The following NRDC variants were observed in gnomAD, a reference collection of about 807,000 sequenced individuals.
NRDC encodes nardilysin.
NRDC carries 54 observed loss-of-function variants against 147.1 expected under a neutral mutation model. The ratio of observed to expected loss-of-function variants is 0.37; its 90% CI spans 0.29 to 0.46. The LOEUF (loss-of-function observed/expected upper bound fraction) is 0.46, where lower values mean the gene tolerates loss of function less well. Ranked by LOEUF, NRDC falls within the 20% of genes least tolerant of loss-of-function variation. The pLI, the probability that NRDC is intolerant of heterozygous loss-of-function variation, is 1.00. For missense variants in NRDC, 1,082 were observed against 1,370.6 expected, an observed-to-expected ratio of 0.79 and a Z score of 3.33; for synonymous variants, 440 against 482.1, an observed-to-expected ratio of 0.91 and a Z score of 1.14.
chr1:51,840,422 T>C lies in NRDC; in HGVS notation c.434A>G (p.Glu145Gly). ...GKTGNTTDDE[E>G]EEEVEEEEED... ...TTCTTCTTCCTCCACCTCCTCTTCT[T>C]CTTCATCATCTGTTGTATTTCCTGT... The change falls in exon 2 of 31, where the codon GAA (glutamate) becomes GGA (glycine). Residue 145 changes from glutamate (E) to glycine (G), a missense_variant. By Grantham distance (98) the Glu-to-Gly change is moderately conservative. This residue lies in a region of NRDC where 260 missense variants were observed against 253.2 expected (regional missense o/e 1.03). Coordinates refer to ENST00000352171, the MANE Select transcript of NRDC (RefSeq NM_001101662.2). The C allele has an allele frequency of 6.2e-7, 1 of 1,605,164 alleles. No individual in the cohort carries two copies. Among genetic ancestry groups the C allele is most frequent in the Non-Finnish European group, 8.5e-7 (1 of 1,172,080 alleles).
chr1:51,791,153 T>C (rs184384799), intron 27 of NRDC, among the ~76,000 whole-genome samples, 163 bp from the exon 28 acceptor site: 1 of 152,268 alleles, frequency 6.6e-6, no homozygotes, highest in East Asian at 1.9e-4. Context: ...CCACCTGACT[T>C]TGAGGACAGA....
At chr1:51,861,458 T>C (rs544078555) in intron 1 of NRDC, among the ~76,000 whole-genome samples, 1 of 151,852 alleles carries the variant, frequency 6.6e-6, no homozygotes, top group Non-Finnish European at 1.5e-5. Context: ...GCTTCCCAAG[T>C]AGCTGGGACT....
At chr1:51,800,853 T>A in intron 20 of NRDC, 170 bp from the exon 21 acceptor site, 1 of 631,582 alleles carries the variant, frequency 1.6e-6, no homozygotes, top group Non-Finnish European at 2.7e-6. Context: ...TGTTTGGGTG[T>A]TACCTGGAGA....
At chr1:51,794,163 C>T (rs1678778114) in intron 24 of NRDC, 2 of 268,294 alleles carry the variant, frequency 7.5e-6, no homozygotes, top group Admixed American at 9.0e-5. Flanking sequence ...CTTTTCAAAA[C>T]TGCCCCTTAA....
intron 1 of NRDC, among the ~76,000 whole-genome samples, chr1:51,846,414 G>A (rs138871130): frequency 8.7e-4 from 133 of 152,216 alleles, no homozygotes; most frequent in Middle Eastern, 3.4e-3. Flanking sequence ...GTGCACAGCC[G>A]ACACTTTATA....
At chr1:51,876,262 C>T (rs1683321476) in intron 1 of NRDC, among the ~76,000 whole-genome samples, 1 of 152,094 alleles carries the variant, frequency 6.6e-6, no homozygotes, top group African/African-American at 2.4e-5. Flanking sequence ...TATACATTGC[C>T]AATACAGGTT....
In NRDC at chr1:51,791,573, C is replaced by T. The variant is rs759997865; in HGVS notation, c.2960+5G>A. 1 of 1,604,626 alleles carries T rather than the reference C, an allele frequency of 6.2e-7. No homozygotes were observed. Among genetic ancestry groups the T allele is most frequent in the South Asian group, 1.1e-5 (1 of 90,860 alleles). ...TTACACTCATCTATTCACTCACTCA[C>T]TCACTTGTATTTGGTTGCCTGAGTC... On this transcript the variant is annotated splice_donor_5th_base_variant and intron_variant, in intron 27 of 30. Coordinates refer to ENST00000352171, the MANE Select transcript of NRDC (RefSeq NM_001101662.2).
chr1:51,871,478 CA>C (rs1488979575), intron 1 of NRDC, among the ~76,000 whole-genome samples: 4 of 129,782 alleles, frequency 3.1e-5, no homozygotes, highest in African/African-American at 1.1e-4. Flanking sequence ...TATCTATCAT[CA>C]CTCCTTGCTT....
rs1275618280 is a variant in NRDC, at chr1:51,825,393, T to C, written c.941-11A>G. The C allele has an allele frequency of 6.4e-7, 1 of 1,574,100 alleles. No homozygotes were observed. The highest frequency in any genetic ancestry group is 8.6e-7 in the Non-Finnish European group (1 of 1,161,910). On this transcript the variant is annotated splice_polypyrimidine_tract_variant and intron_variant, in intron 5 of 30. Coordinates refer to ENST00000352171, the MANE Select transcript of NRDC (RefSeq NM_001101662.2). The stretch of plus-strand genomic sequence containing the variant: ...TTGCAAGTTGATATTCTGTCAATTT[T>C]AAATAAACACATAATAAAACAAAAT...
chr1:51,825,660 G>A (rs1680411072), intron 5 of NRDC, among the ~76,000 whole-genome samples: 1 of 152,106 alleles, frequency 6.6e-6, no homozygotes, highest in Non-Finnish European at 1.5e-5. Context: ...TCAGCTCTAG[G>A]ATGCTATGTA....
chr1:51,840,978 G>T (rs1483181067), intron 1 of NRDC, among the ~76,000 whole-genome samples: 1 of 152,080 alleles, frequency 6.6e-6, no homozygotes, highest in Non-Finnish European at 1.5e-5. Flanking sequence ...AAATTAAACT[G>T]CTGATTTTCT....
chr1:51,802,642 T>C (rs1679263804), intron 20 of NRDC, among the ~76,000 whole-genome samples: 1 of 152,200 alleles, frequency 6.6e-6, no homozygotes, highest in African/African-American at 2.4e-5. Context: ...TAATGTCCGC[T>C]GATAGTTCTT....
At chr1:51,811,270 T>C (rs549613278) in intron 15 of NRDC, among the ~76,000 whole-genome samples, 1 of 152,312 alleles carries the variant, frequency 6.6e-6, no homozygotes, top group Non-Finnish European at 1.5e-5. Context: ...AATTTCTTAA[T>C]CTCAGCACTA....
chr1:51,852,474 T>C (rs569656601), intron 1 of NRDC, among the ~76,000 whole-genome samples: 2 of 9,216 alleles, frequency 2.2e-4, no homozygotes, highest in African/African-American at 3.3e-4. Flanking sequence ...TATAACTATA[T>C]ATACATTATA....
chr1:51,808,898 G>T (rs1176734228), intron 17 of NRDC, among the ~76,000 whole-genome samples: 1 of 152,154 alleles, frequency 6.6e-6, no homozygotes, highest in Non-Finnish European at 1.5e-5. Context: ...ATGCTTTCAT[G>T]GCTCATTACA....
intron 1 of NRDC, among the ~76,000 whole-genome samples, chr1:51,868,224 C>T (rs902860349): frequency 5.9e-5 from 9 of 151,744 alleles, no homozygotes; most frequent in Non-Finnish European, 1.2e-4. Context: ...AATATGAAAT[C>T]GCTTGGAAAA....
chr1:51,846,863 G>C (rs1681649504), intron 1 of NRDC, among the ~76,000 whole-genome samples: 1 of 152,188 alleles, frequency 6.6e-6, no homozygotes, highest in Admixed American at 6.5e-5. Flanking sequence ...GGTCCATTTT[G>C]ACAGGATGCT....
chr1:51,822,041 T>TTATA (rs146337956), intron 7 of NRDC, among the ~76,000 whole-genome samples: 1 of 150,676 alleles, frequency 6.6e-6, no homozygotes, highest in Non-Finnish European at 1.5e-5. Context: ...TTTTTAGGCT[T>TTATA]TATATATATA....
chr1:51,851,887 C>T (rs772404522), intron 1 of NRDC, among the ~76,000 whole-genome samples: 15 of 152,170 alleles, frequency 9.9e-5, no homozygotes, highest in Non-Finnish European at 1.9e-4. Flanking sequence ...ACTGAGGCTG[C>T]CTGGGTTGAA....
Sources: gnomAD v4.1 joint callset for allele counts (sites outside exome capture counted in the v4.1 genomes callset) on GRCh38, gnomAD v4.1.1 for gene constraint, gnomAD v4.1.1 regional missense constraint, MANE v1.5 for transcripts, NCBI Gene and HGNC (gene_info 2026-07-23, HGNC 2026-07-21) for gene names.